ADAT2: variants seen among roughly 807,000 people sequenced by gnomAD.
ADAT2 encodes the protein adenosine deaminase tRNA specific 2.
ADAT2 carries 26 observed loss-of-function variants against 25.9 expected under a neutral mutation model. The ratio of observed to expected loss-of-function variants is 1.00; its 90% CI spans 0.74 to 1.39. The LOEUF (loss-of-function observed/expected upper bound fraction) is 1.39, where lower values mean the gene tolerates loss of function less well. Ranked by LOEUF, ADAT2 falls within the 40% of genes most tolerant of loss-of-function variation. ADAT2 has a pLI of 0.00. For synonymous variants in ADAT2, 76 were observed against 86.8 expected (o/e 0.88, Z 0.69); for missense variants, 220 against 244.8 (o/e 0.90, Z 0.68).
intron 1 of ADAT2, among the ~76,000 whole-genome samples, chr6:143,449,212 T>G (rs569301288): frequency 6.6e-6 from 1 of 152,270 alleles, no homozygotes; most frequent in East Asian, 1.9e-4. Context: ...CATGCCCTAC[T>G]AATTTTTAAA....
At chr6:143,438,548 T>C (rs1462585964) in intron 2 of ADAT2, 42 bp downstream of exon 2, 2 of 1,480,880 alleles carry the variant, frequency 1.4e-6, no homozygotes, top group Admixed American at 1.7e-5. Flanking sequence ...AGTCCACCCA[T>C]CACTACTGTA....
chr6:143,450,422 G>A lies in ADAT2; in HGVS notation c.96+141C>T, dbSNP rs145924403. 184 of 887,890 alleles carry A rather than the reference G, an allele frequency of 2.1e-4. 1 individual carries two copies. In the African/African-American group the frequency reaches 2.6e-3, roughly 13 times the overall value. The allele number at this position is 887,890 out of a possible 1,614,324, so 55.0% of individuals were successfully genotyped here. ...ATGGGCTACAGAAAGTTTCGAGGCA[G>A]TAAAGCCAGTTGTTCACCCAGAACA... On this transcript the variant is annotated intron_variant, in intron 1 of 5. Coordinates refer to ENST00000237283, the MANE Select transcript of ADAT2 (RefSeq NM_182503.3).
At chr6:143,438,369 T>C (rs1779353467) in intron 2 of ADAT2, among the ~76,000 whole-genome samples, 1 of 152,198 alleles carries the variant, frequency 6.6e-6, no homozygotes, top group Non-Finnish European at 1.5e-5. Context: ...TATGGCTTCA[T>C]TAAATTGTTC....
rs1779536216 is a variant in ADAT2 at position 143,444,244 on chromosome 6, G to A, written c.97-5550C>T. ...GCTGTCCGAAACAGAGAGCAAATAT[G>A]AGCGATCGGAATATTTTAAAAGGAC... is the stretch of plus-strand genomic sequence containing the variant. On this transcript the variant is annotated intron_variant, in intron 1 of 5. Transcript: ENST00000237283. The surrounding 1 kb of genome is among the most constrained non-coding windows in gnomAD (Gnocchi z 4.3). Among the ~76,000 whole-genome samples, 1 of 152,038 alleles carries A rather than the reference G, an allele frequency of 6.6e-6. No individual in the cohort carries two copies. Among genetic ancestry groups the A allele is most frequent in the African/African-American group, 2.4e-5 (1 of 41,386 alleles).
intron 4 of ADAT2, among the ~76,000 whole-genome samples, chr6:143,431,900 A>T (rs377348165): frequency 6.6e-6 from 1 of 152,192 alleles, no homozygotes; most frequent in African/African-American, 2.4e-5. Flanking sequence ...TCATAGTCTG[A>T]CCCATAAAAA....
intron 1 of ADAT2, among the ~76,000 whole-genome samples, chr6:143,447,432 A>C: frequency 6.6e-6 from 1 of 151,970 alleles, no homozygotes; most frequent in East Asian, 1.9e-4. Flanking sequence ...TAAGACTACC[A>C]AAAAAAACTG....
At chr6:143,450,277 G>A (rs903694393) in intron 1 of ADAT2, among the ~76,000 whole-genome samples, 5 of 152,100 alleles carry the variant, frequency 3.3e-5, no homozygotes, top group Non-Finnish European at 2.9e-5. Context: ...CCACAGAAAG[G>A]AAAGGGAGGC....
intron 2 of ADAT2, among the ~76,000 whole-genome samples, chr6:143,435,312 A>G (rs1040919899): frequency 1.3e-5 from 2 of 152,176 alleles, no homozygotes; most frequent in African/African-American, 4.8e-5. Context: ...AAAAGAAGCT[A>G]AGCAAAGCTG....
In ADAT2 at chr6:143,428,592, A is replaced by G. The variant is rs1779009577; in HGVS notation, c.532+20T>C. The G allele has an allele frequency of 6.2e-7, 1 of 1,613,596 alleles. No homozygotes were observed. The highest frequency in any genetic ancestry group is 2.2e-5 in the East Asian group (1 of 44,850). ...TGTATGGATTTAAGGGAAGGACATT[A>G]TCCACAACAGAAAACTGACCATTTG... is the stretch of plus-strand genomic sequence containing the variant. On this transcript the variant is annotated intron_variant, in intron 5 of 5. Coordinates refer to ENST00000237283, the MANE Select transcript of ADAT2 (RefSeq NM_182503.3). The surrounding 1 kb of genome is among the most constrained non-coding windows in gnomAD (Gnocchi z 5.0).
rs761920704 is a variant in ADAT2, at chr6:143,434,002, G to A, written c.202-21C>T. ...GTAGCCTGAAAAGAGAAAGGGGCTT[G>A]CACTGATGCTGTTTGCTTCATGTGA... On this transcript the variant is annotated intron_variant, in intron 2 of 5. Transcript: ENST00000237283. This position sits in a 1 kb window ranked among gnomAD's most constrained non-coding sequence, Gnocchi z 4.5. 3.1e-6 allele frequency: 5 copies of A among 1,612,546 alleles called. No homozygotes were observed. The African/African-American group carries it at 6.7e-5, about 22-fold the overall frequency.
In ADAT2 at chr6:143,440,810, T is replaced by C. The variant is rs576433713; in HGVS notation, c.97-2116A>G. Among the ~76,000 whole-genome samples, 2 of 152,276 alleles carry C rather than the reference T, an allele frequency of 1.3e-5. No individual in the cohort carries two copies. The highest frequency in any genetic ancestry group is 4.2e-4 in the South Asian group (2 of 4,816). The stretch of plus-strand genomic sequence containing the variant: ...CAATTATTATACTAAGAATTTTATT[T>C]AAGGTAAGTGTAGAATTACACAGAG... On this transcript the variant is annotated intron_variant, in intron 1 of 5. Coordinates refer to ENST00000237283, the MANE Select transcript of ADAT2 (RefSeq NM_182503.3). The surrounding 1 kb of genome is among the most constrained non-coding windows in gnomAD (Gnocchi z 4.5).
In ADAT2 at chr6:143,428,590, T is replaced by C; in HGVS notation, c.532+22A>G. The stretch of plus-strand genomic sequence containing the variant: ...TTTGTATGGATTTAAGGGAAGGACA[T>C]TATCCACAACAGAAAACTGACCATT... On this transcript the variant is annotated intron_variant, in intron 5 of 5. Coordinates refer to ENST00000237283, the MANE Select transcript of ADAT2 (RefSeq NM_182503.3). The surrounding 1 kb of genome is among the most constrained non-coding windows in gnomAD (Gnocchi z 5.0). The C allele has an allele frequency of 6.2e-7, 1 of 1,613,370 alleles. No homozygotes were observed. Among genetic ancestry groups the C allele is most frequent in the Non-Finnish European group, 8.5e-7 (1 of 1,179,414 alleles).
chr6:143,444,195 T>C lies in ADAT2; in HGVS notation c.97-5501A>G, dbSNP rs1779534993. ...CATGTTTATTTTGAGTAACACAGTT[T>C]TTTTTCCTGAAATGCCTTCCACTGC... is the stretch of plus-strand genomic sequence containing the variant. On this transcript the variant is annotated intron_variant, in intron 1 of 5. Transcript: ENST00000237283. This position sits in a 1 kb window ranked among gnomAD's most constrained non-coding sequence, Gnocchi z 4.3. Among the ~76,000 whole-genome samples the C allele has an allele frequency of 6.6e-6, 1 of 152,212 alleles. No homozygotes were observed. The highest frequency in any genetic ancestry group is 1.5e-5 in the Non-Finnish European group (1 of 68,038).
rs561933808 is a variant in ADAT2, at chr6:143,430,651, T to C, written c.459+1854A>G. The stretch of plus-strand genomic sequence containing the variant: ...ATCTCGGCTCACTCACTGCGAGCTC[T>C]GCCTCCCGGGTTCAGGCCATTCTCC... On this transcript the variant is annotated intron_variant, in intron 4 of 5. Coordinates refer to ENST00000237283, the MANE Select transcript of ADAT2 (RefSeq NM_182503.3). 3.9e-4 allele frequency among the ~76,000 whole-genome samples: 60 copies of C among 152,290 alleles called. 1 individual carries two copies. Among genetic ancestry groups the C allele is most frequent in the African/African-American group, 1.1e-3 (45 of 41,566 alleles).
At position 143,427,134 on chromosome 6, in the gene ADAT2, C is replaced by CACACACACACACACACACACAA. The variant is rs1554277477; in HGVS notation, c.*1328_*1329insTTGTGTGTGTGTGTGTGTGTGT. 6.6e-6 allele frequency: 1 copy of CACACACACACACACACACACAA among 151,546 alleles called. No individual in the cohort carries two copies. Among genetic ancestry groups the CACACACACACACACACACACAA allele is most frequent in the East Asian group, 1.9e-4 (1 of 5,184 alleles). The allele number at this position is 151,546 out of a possible 1,614,324, so 9.4% of individuals were successfully genotyped here. On this transcript the variant is annotated 3_prime_UTR_variant, in exon 6 of 6. Coordinates refer to ENST00000237283, the MANE Select transcript of ADAT2 (RefSeq NM_182503.3). Reference sequence around the variant, plus strand: ...ACACACACACACACACACACACACACAAAACCAAGCAATTATAAGTCCTCT... The same window carrying CACACACACACACACACACACAA: ...ACACACACACACACACACACACACACACACACACACACACACACACAAAAAACCAAGCAATTATAAGTCCTCT...
chr6:143,447,719 C>T (rs1779636697), intron 1 of ADAT2, among the ~76,000 whole-genome samples: 1 of 151,212 alleles, frequency 6.6e-6, no homozygotes, highest in African/African-American at 2.4e-5. Flanking sequence ...AAAGGATAAG[C>T]TCACTTTTAA....
At chr6:143,439,983 G>C (rs1396336809) in intron 1 of ADAT2, among the ~76,000 whole-genome samples, 2 of 152,134 alleles carry the variant, frequency 1.3e-5, no homozygotes, top group Non-Finnish European at 2.9e-5. Context: ...TCCCATGATA[G>C]CAGCTCTGGG....
chr6:143,429,372 A>T (rs9496621), intron 4 of ADAT2, among the ~76,000 whole-genome samples: 42,671 of 152,138 alleles, frequency 0.28, 6,236 homozygotes, highest in Admixed American at 0.32. Context: ...AAAATAAAAT[A>T]CAGCTTGTTC....
At position 143,428,706 on chromosome 6, in the gene ADAT2, G is replaced by T; in HGVS notation, c.460-22C>A. On this transcript the variant is annotated intron_variant, in intron 4 of 5. Coordinates refer to ENST00000237283, the MANE Select transcript of ADAT2 (RefSeq NM_182503.3). This position sits in a 1 kb window ranked among gnomAD's most constrained non-coding sequence, Gnocchi z 5.0. ...TACACTGATGGAATGAGAAAGTTGA[G>T]AATAAACATAGGCCTATGAAAATGT... The T allele has an allele frequency of 6.2e-7, 1 of 1,610,626 alleles. No homozygotes were observed. Among genetic ancestry groups the T allele is most frequent in the Middle Eastern group, 1.7e-4 (1 of 6,046 alleles).
Sources: gnomAD v4.1 joint callset for allele counts (sites outside exome capture counted in the v4.1 genomes callset) on GRCh38, gnomAD v4.1.1 for gene constraint, Gnocchi (gnomAD v3.1) non-coding constraint, MANE v1.5 for transcripts, NCBI Gene and HGNC (gene_info 2026-07-23, HGNC 2026-07-21) for gene names.